The following CELF2 variants were observed in gnomAD, a reference collection of about 807,000 sequenced individuals.
CELF2 encodes the protein CUGBP Elav-like family member 2.
Under a neutral mutation model 62.6 loss-of-function variants are expected in CELF2, and 8 were observed. That is an observed-to-expected ratio of 0.13 (90% CI 0.07 to 0.23). The LOEUF (loss-of-function observed/expected upper bound fraction) is 0.23. Ranked by LOEUF, CELF2 falls within the 10% of genes least tolerant of loss-of-function variation. CELF2 has a pLI of 1.00. For missense variants in CELF2, 333 were observed against 671.0 expected (o/e 0.50, Z 5.56); for synonymous variants, 258 against 250.0 (o/e 1.03, Z -0.30).
chr10:10,476,654 C>T, the CELF2 span, among the ~76,000 whole-genome samples: 2 of 152,080 alleles, frequency 1.3e-5, no homozygotes, highest in Non-Finnish European at 2.9e-5. Context: ...AATGCCCTAA[C>T]AGATATCCAA....
chr10:10,663,141 C>T, the CELF2 span, among the ~76,000 whole-genome samples: 51 of 152,280 alleles, frequency 3.3e-4, no homozygotes, highest in Non-Finnish European at 6.0e-4. Context: ...AAGAGGTGAA[C>T]GTGAAAAACC....
intron 2 of CELF2, among the ~76,000 whole-genome samples, chr10:10,945,400 C>T (rs1034249459): frequency 1.3e-5 from 2 of 152,174 alleles, no homozygotes; most frequent in African/African-American, 4.8e-5. Flanking sequence ...GGCACCATAG[C>T]ATTTTGTTAG....
At chr10:11,299,715 G>GA (rs1565856421) in intron 9 of CELF2, among the ~76,000 whole-genome samples, 1 of 152,146 alleles carries the variant, frequency 6.6e-6, no homozygotes, top group East Asian at 1.9e-4. Context: ...ACCGCACCAC[G>GA]AGACAGTCCA....
the CELF2 span, among the ~76,000 whole-genome samples, chr10:10,662,872 G>A: frequency 6.6e-6 from 1 of 152,110 alleles, no homozygotes; most frequent in African/African-American, 2.4e-5. Flanking sequence ...TGCTTCCATG[G>A]CAACTCAGTG....
At chr10:10,605,179 C>G in the CELF2 span, among the ~76,000 whole-genome samples, 1 of 152,052 alleles carries the variant, frequency 6.6e-6, no homozygotes, top group Non-Finnish European at 1.5e-5. Context: ...GAAAAGAAAA[C>G]CAAACACCAC....
chr10:11,103,215 G>T (rs146700545), intron 1 of CELF2, among the ~76,000 whole-genome samples: 1 of 151,992 alleles, frequency 6.6e-6, no homozygotes, highest in African/African-American at 2.4e-5. Context: ...CTTTGCCAGA[G>T]CCAACCCCAC....
At chr10:11,250,505 C>T (rs2076819372) in intron 4 of CELF2, among the ~76,000 whole-genome samples, 1 of 152,214 alleles carries the variant, frequency 6.6e-6, no homozygotes, top group South Asian at 2.1e-4. Context: ...TCCGCTGCTG[C>T]TCTGTGGCCC....
At position 11,053,860 on chromosome 10, in the gene CELF2, C is replaced by T. The variant is rs527994538; in HGVS notation, c.74+35697C>T. Reference sequence around the variant, plus strand: ...CAATCTCCTGACCTCGTGATCCACCCGCCTCGGCCTCCCAAAGTGCTGGGA... The same window carrying T: ...CAATCTCCTGACCTCGTGATCCACCTGCCTCGGCCTCCCAAAGTGCTGGGA... On this transcript the variant is annotated intron_variant, in intron 1 of 12. Transcript: ENST00000633077. 2.0e-4 allele frequency among the ~76,000 whole-genome samples: 31 copies of T among 152,088 alleles called. No individual in the cohort carries two copies. In the South Asian group the frequency reaches 4.8e-3, roughly 23 times the overall value.
intron 7 of CELF2, among the ~76,000 whole-genome samples, chr10:11,274,613 T>C (rs922299397): frequency 5.9e-5 from 9 of 152,164 alleles, no homozygotes; most frequent in African/African-American, 2.2e-4. Flanking sequence ...ACCATGATGA[T>C]CTTTATGTTG....
chr10:10,793,256 A>G, the CELF2 span, among the ~76,000 whole-genome samples: 1 of 152,348 alleles, frequency 6.6e-6, no homozygotes, highest in East Asian at 1.9e-4. Context: ...TGAGCAAAAC[A>G]TGAAAGCACT....
chr10:11,040,511 C>T (rs1176337934), intron 1 of CELF2, among the ~76,000 whole-genome samples: 1 of 152,082 alleles, frequency 6.6e-6, no homozygotes, highest in Non-Finnish European at 1.5e-5. Flanking sequence ...TTTAATGTAT[C>T]TTCTATGTAG....
intron 1 of CELF2, among the ~76,000 whole-genome samples, chr10:10,820,680 A>T (rs2056880962): frequency 6.6e-6 from 1 of 152,206 alleles, no homozygotes; most frequent in Non-Finnish European, 1.5e-5. Context: ...AAATCAAGAA[A>T]GGAGTTCCTG....
At chr10:10,873,015 G>A (rs1377328384) in intron 1 of CELF2, among the ~76,000 whole-genome samples, 1 of 152,112 alleles carries the variant, frequency 6.6e-6, no homozygotes, top group Non-Finnish European at 1.5e-5. Flanking sequence ...CTTGCCTCAT[G>A]TCAGCTTTCC....
chr10:10,856,234 AT>A lies in CELF2; in HGVS notation c.53+57421del, dbSNP rs1478515634. Among the ~76,000 whole-genome samples, 9 of 152,288 alleles carry A rather than the reference AT, an allele frequency of 5.9e-5. No individual in the cohort carries two copies. The South Asian group carries it at 1.9e-3, about 32-fold the overall frequency. On this transcript the variant is annotated intron_variant, in intron 1 of 13. Coordinates refer to the CELF2 transcript ENST00000636488. ...ACTCTGTTATTTAGATATTAATTGCATTTTCACACCGGATCGCGTTGTTTTC... is the reference window on the plus strand; with the variant it reads ...ACTCTGTTATTTAGATATTAATTGCATTTCACACCGGATCGCGTTGTTTTC...
At chr10:10,832,284 A>AT (rs1180382754) in intron 1 of CELF2, among the ~76,000 whole-genome samples, 2 of 151,984 alleles carry the variant, frequency 1.3e-5, no homozygotes, top group Non-Finnish European at 2.9e-5. Flanking sequence ...AAAAATAAAA[A>AT]TAAATAAATA....
At chr10:10,723,279 C>T in the CELF2 span, among the ~76,000 whole-genome samples, 4 of 151,846 alleles carry the variant, frequency 2.6e-5, no homozygotes, top group South Asian at 2.1e-4. Flanking sequence ...CTAAAGTAAA[C>T]GTCAACTATG....
At chr10:10,774,745 G>C in the CELF2 span, among the ~76,000 whole-genome samples, 3 of 152,174 alleles carry the variant, frequency 2.0e-5, no homozygotes, top group Non-Finnish European at 4.4e-5. Flanking sequence ...GTGTGAGAAG[G>C]AACTAATACA....
chr10:10,595,215 C>T, the CELF2 span, among the ~76,000 whole-genome samples: 1 of 152,294 alleles, frequency 6.6e-6, no homozygotes, highest in East Asian at 1.9e-4. Flanking sequence ...TCAGGACATG[C>T]ACAAGCCTCT....
chr10:10,974,179 G>A (rs2051077750), intron 2 of CELF2, among the ~76,000 whole-genome samples: 1 of 152,150 alleles, frequency 6.6e-6, no homozygotes, highest in Non-Finnish European at 1.5e-5. Flanking sequence ...GATAATTTAT[G>A]ATGTGTGCCG....
Sources: gnomAD v4.1 joint callset for allele counts (sites outside exome capture counted in the v4.1 genomes callset) on GRCh38, gnomAD v4.1.1 for gene constraint, MANE v1.5 for transcripts, NCBI Gene and HGNC (gene_info 2026-07-23, HGNC 2026-07-21) for gene names.